NT5DC1: variants seen among roughly 807,000 people sequenced by gnomAD.
The protein encoded by NT5DC1 is 5'-nucleotidase domain containing 1.
NT5DC1 carries 42 observed loss-of-function variants against 59.4 expected under a neutral mutation model. The observed-to-expected ratio is 0.71, with a 90% confidence interval of 0.55 to 0.92. The LOEUF is 0.92. NT5DC1 is among the 40% of genes least tolerant of loss of function. The pLI, the probability that NT5DC1 is intolerant of heterozygous loss-of-function variation, is 0.00. For missense variants in NT5DC1, 501 were observed against 537.1 expected (o/e 0.93, Z 0.66); for synonymous variants, 172 against 188.1 (o/e 0.91, Z 0.70).
intron 6 of NT5DC1, among the ~76,000 whole-genome samples, chr6:116,178,110 CGTG>C (rs1780791538): frequency 8.5e-6 from 1 of 117,446 alleles, no homozygotes; most frequent in African/African-American, 3.3e-5. Context: ...CGCGTGCGTG[CGTG>C]TGTGTGTGTG....
intron 6 of NT5DC1, among the ~76,000 whole-genome samples, chr6:116,161,851 T>C (rs34001069): frequency 0.23 from 34,250 of 152,178 alleles, 4,156 homozygotes; most frequent in Middle Eastern, 0.34. Context: ...TGATTCTTCC[T>C]GCCCATGAGC....
At chr6:116,218,214 T>C (rs1214242995) in intron 6 of NT5DC1, among the ~76,000 whole-genome samples, 3 of 152,176 alleles carry the variant, frequency 2.0e-5, no homozygotes, top group Non-Finnish European at 4.4e-5. Context: ...ATTTAAAATA[T>C]TGTATTTAAA....
intron 4 of NT5DC1, among the ~76,000 whole-genome samples, chr6:116,112,480 A>T (rs1378286993): frequency 6.6e-6 from 1 of 152,110 alleles, no homozygotes; most frequent in Non-Finnish European, 1.5e-5. Flanking sequence ...ATTGTCTTCA[A>T]CTCCTGTCCT....
intron 10 of NT5DC1, 116 bp downstream of exon 10, chr6:116,238,464 TAAAAAAAAAAAA>T: frequency 7.8e-6 from 2 of 257,408 alleles, no homozygotes; most frequent in Non-Finnish European, 1.4e-5. Context: ...ACCATCATGT[TAAAAAAAAAAAA>T]AAAAAAAAGA....
At chr6:116,101,077 G>A (rs1778636405) in intron 1 of NT5DC1, 54 bp downstream of exon 1, 2 of 1,342,374 alleles carry the variant, frequency 1.5e-6, no homozygotes, top group African/African-American at 3.0e-5. Context: ...GGCGGCTGGG[G>A]CTTGAGTTTC....
At chr6:116,185,932 A>AT (rs1387627627) in intron 6 of NT5DC1, among the ~76,000 whole-genome samples, 2 of 151,604 alleles carry the variant, frequency 1.3e-5, no homozygotes, top group South Asian at 2.1e-4. Flanking sequence ...AAAACCTTGG[A>AT]TTTTTTTCAT....
At chr6:116,189,272 G>T (rs1047353864) in intron 6 of NT5DC1, among the ~76,000 whole-genome samples, 3 of 151,688 alleles carry the variant, frequency 2.0e-5, no homozygotes, top group African/African-American at 7.3e-5. Context: ...CTTTAGAATT[G>T]TGTAATTGAT....
intron 6 of NT5DC1, among the ~76,000 whole-genome samples, chr6:116,165,870 T>C (rs1780450677): frequency 6.6e-6 from 1 of 152,188 alleles, no homozygotes; most frequent in Non-Finnish European, 1.5e-5. Context: ...TTGCAACAAC[T>C]TGGGCTGAGA....
intron 6 of NT5DC1, chr6:116,120,727 A>G: frequency 6.3e-7 from 1 of 1,586,974 alleles, no homozygotes. Flanking sequence ...CTTTAGACCC[A>G]GGGAATCCTG....
In NT5DC1 at chr6:116,115,724, T is replaced by C. The variant is rs1314341472; in HGVS notation, c.398T>C (p.Leu133Pro). The stretch of plus-strand genomic sequence containing the variant: ...TACTTTTACGACAACTACTTTGACC[T>C]GCCAGGAGCTCTTCTGTGTGCCAGG... ...KYYFYDNYFD[L>P]PGALLCARVV... The change falls in exon 5 of 12, where the codon CTG (leucine) becomes CCG (proline). Residue 133 changes from leucine to proline, a missense_variant. Physicochemically the swap from Leu to Pro is moderately conservative, Grantham distance 98. Coordinates refer to ENST00000319550, the MANE Select transcript of NT5DC1 (RefSeq NM_152729.3). The C allele has an allele frequency of 6.2e-7, 1 of 1,605,816 alleles. No homozygotes were observed. The highest frequency in any genetic ancestry group is 8.5e-7 in the Non-Finnish European group (1 of 1,172,556).
chr6:116,218,258 T>C (rs1168817201), intron 6 of NT5DC1, among the ~76,000 whole-genome samples: 2 of 152,170 alleles, frequency 1.3e-5, no homozygotes, highest in Non-Finnish European at 2.9e-5. Flanking sequence ...CCTTTGGAAA[T>C]GTTAACAGTA....
chr6:116,201,711 A>G (rs1214295919), intron 6 of NT5DC1, among the ~76,000 whole-genome samples: 6 of 152,150 alleles, frequency 3.9e-5, no homozygotes, highest in South Asian at 4.1e-4. Flanking sequence ...ATGTGAGGTC[A>G]TGGGCAAGGA....
rs563229155 is a variant in NT5DC1 at position 116,221,793 on chromosome 6, G to T, written c.704+565G>T. Among the ~76,000 whole-genome samples the T allele has an allele frequency of 7.2e-5, 11 of 152,250 alleles. No homozygotes were observed. In the South Asian group the frequency reaches 2.3e-3, roughly 32 times the overall value. Reference sequence around the variant, plus strand: ...TATAACCTCTTTAAGCTTCAATTTTGCCGTCATAAAAATGGTACAGTAATT... The same window carrying T: ...TATAACCTCTTTAAGCTTCAATTTTTCCGTCATAAAAATGGTACAGTAATT... On this transcript the variant is annotated intron_variant, in intron 7 of 11. Coordinates refer to ENST00000319550, the MANE Select transcript of NT5DC1 (RefSeq NM_152729.3).
chr6:116,233,583 A>C (rs554569054), intron 8 of NT5DC1, among the ~76,000 whole-genome samples: 36 of 152,334 alleles, frequency 2.4e-4, no homozygotes, highest in African/African-American at 8.4e-4. Flanking sequence ...AAATTCGGAA[A>C]TGCTCTCTGG....
At position 116,243,315 on chromosome 6, in the gene NT5DC1, A is replaced by T. The variant is rs530483933; in HGVS notation, c.1253-594A>T. ...GCCTGGGAGTTTTTTTTAAATTTTTATTCAGATAAGCTTTCATATTTTTGT... is the reference window on the plus strand; with the variant it reads ...GCCTGGGAGTTTTTTTTAAATTTTTTTTCAGATAAGCTTTCATATTTTTGT... On this transcript the variant is annotated intron_variant, in intron 11 of 11. Transcript: ENST00000319550. Among the ~76,000 whole-genome samples, 11 of 152,264 alleles carry T rather than the reference A, an allele frequency of 7.2e-5. No individual in the cohort carries two copies. The South Asian group carries it at 2.1e-3, about 29-fold the overall frequency.
intron 6 of NT5DC1, among the ~76,000 whole-genome samples, chr6:116,124,747 T>G (rs1379879558): frequency 2.0e-5 from 3 of 152,198 alleles, no homozygotes; most frequent in Non-Finnish European, 2.9e-5. Context: ...CAGTTAAGTC[T>G]CTGCATTTTA....
intron 6 of NT5DC1, chr6:116,125,278 T>A: frequency 6.4e-7 from 1 of 1,569,994 alleles, no homozygotes; most frequent in Admixed American, 1.8e-5. Context: ...AAAGAGATTA[T>A]TAAGATTATA....
intron 6 of NT5DC1, among the ~76,000 whole-genome samples, chr6:116,209,095 AAT>A (rs1253777466): frequency 1.3e-5 from 2 of 152,052 alleles, no homozygotes; most frequent in Non-Finnish European, 2.9e-5. Flanking sequence ...ACTTTCTAGT[AAT>A]AGTGCATTAT....
At chr6:116,128,920 A>C (rs1388368975) in intron 6 of NT5DC1, among the ~76,000 whole-genome samples, 2 of 152,074 alleles carry the variant, frequency 1.3e-5, no homozygotes, top group African/African-American at 2.4e-5. Context: ...TGCTTTTTAA[A>C]CTTTTTTACA....
Sources: allele counts gnomAD v4.1 joint callset (sites outside exome capture counted in the v4.1 genomes callset), GRCh38; gene constraint gnomAD v4.1.1; transcripts MANE v1.5; gene names NCBI Gene and HGNC (gene_info 2026-07-23, HGNC 2026-07-21).